ANXA4: variants seen among roughly 807,000 people sequenced by gnomAD.
ANXA4 encodes the protein 35-beta calcimedin.
A neutral mutation model predicts 49.8 loss-of-function variants in ANXA4; 39 were observed. The observed-to-expected ratio is 0.78, with a 90% confidence interval of 0.61 to 1.02. The LOEUF is 1.02. Ranked by LOEUF, ANXA4 falls within the 50% of genes least tolerant of loss-of-function variation. The probability of loss-of-function intolerance (pLI) is 0.00; values close to 1 mark genes in which losing one functional copy is unlikely to be tolerated. For missense variants in ANXA4, 360 were observed against 410.1 expected (o/e 0.88, Z 1.05); for synonymous variants, 134 against 152.5 (o/e 0.88, Z 0.89).
chr2:69,708,012 C>G (rs1470809885), intron 2 of ANXA4, among the ~76,000 whole-genome samples: 1 of 152,194 alleles, frequency 6.6e-6, no homozygotes, highest in Non-Finnish European at 1.5e-5. Flanking sequence ...TTTTCTCCTG[C>G]CATTTCCTGT....
intron 6 of ANXA4, 74 bp from the exon 7 acceptor site, chr2:69,810,520 G>A: frequency 7.9e-7 from 1 of 1,263,402 alleles, no homozygotes; most frequent in South Asian, 1.2e-5. Context: ...TGAGGGGACA[G>A]ATTGCTCTGG....
At chr2:69,752,004 G>A (rs572660670) in intron 1 of ANXA4, among the ~76,000 whole-genome samples, 22 of 152,200 alleles carry the variant, frequency 1.4e-4, no homozygotes, top group Non-Finnish European at 2.9e-4. Flanking sequence ...TGATATATAT[G>A]TGCAGACTGC....
intron 1 of ANXA4, among the ~76,000 whole-genome samples, chr2:69,647,326 T>G (rs1676042606): frequency 6.6e-6 from 1 of 152,118 alleles, no homozygotes; most frequent in South Asian, 2.1e-4. Flanking sequence ...ACTATGTATC[T>G]TCCATATGCC....
chr2:69,727,842 C>T (rs769806753), intron 3 of ANXA4, among the ~76,000 whole-genome samples: 25 of 152,190 alleles, frequency 1.6e-4, no homozygotes, highest in Non-Finnish European at 2.6e-4. Flanking sequence ...GGCCAGGAAT[C>T]AAGCCAGGAT....
chr2:69,818,766 G>C, intron 10 of ANXA4, 72 bp downstream of exon 10: 1 of 911,848 alleles, frequency 1.1e-6, no homozygotes, highest in Non-Finnish European at 1.7e-6. Context: ...TGCAATATGG[G>C]GATATAGAAT....
At chr2:69,707,801 T>A (rs889279718) in intron 2 of ANXA4, among the ~76,000 whole-genome samples, 3 of 152,234 alleles carry the variant, frequency 2.0e-5, no homozygotes, top group African/African-American at 4.8e-5. Context: ...AATCACTCTG[T>A]CATGCTATCA....
rs527784664 is a variant in ANXA4 at position 69,793,381 on chromosome 2, TTTAAAGA to T, written c.97+5247_97+5253del. Reference sequence around the variant, plus strand: ...AATAATTCCTAAGACTCTTTTTATTTTTAAAGATTAAAGTCACATGAACTGAAAGGTA... The same window carrying T: ...AATAATTCCTAAGACTCTTTTTATTTTTAAAGTCACATGAACTGAAAGGTA... On this transcript the variant is annotated intron_variant, in intron 3 of 12. Coordinates refer to ENST00000394295, the MANE Select transcript of ANXA4 (RefSeq NM_001153.5). Among the ~76,000 whole-genome samples the T allele has an allele frequency of 2.6e-4, 39 of 152,348 alleles. No individual in the cohort carries two copies. In the South Asian group the frequency reaches 7.2e-3, roughly 28 times the overall value.
intron 3 of ANXA4, among the ~76,000 whole-genome samples, chr2:69,793,057 T>G (rs533063111): frequency 7.3e-5 from 11 of 151,354 alleles, no homozygotes; most frequent in African/African-American, 1.4e-4. Context: ...ATCGAGACCA[T>G]CCTGGCCAAC....
chr2:69,809,275 AACC>A, intron 6 of ANXA4: 1 of 152,322 alleles, frequency 6.6e-6, no homozygotes, highest in East Asian at 1.9e-4. Flanking sequence ...GAAAGAAAAC[AACC>A]ACAATAAGAG....
intron 5 of ANXA4, 53 bp downstream of exon 5, chr2:69,806,551 GCTTT>G (rs1673452089): frequency 1.4e-6 from 2 of 1,439,626 alleles, no homozygotes. Context: ...ACGCTGATGT[GCTTT>G]CTTAAGAAAC....
At chr2:69,690,531 G>A (rs1044536590) in intron 2 of ANXA4, among the ~76,000 whole-genome samples, 13 of 152,156 alleles carry the variant, frequency 8.5e-5, no homozygotes, top group Non-Finnish European at 5.9e-5. Flanking sequence ...GAGCCACTGC[G>A]CCCGGCCCAG....
intron 1 of ANXA4, among the ~76,000 whole-genome samples, chr2:69,764,294 A>G (rs529708936): frequency 6.6e-6 from 1 of 152,376 alleles, no homozygotes; most frequent in African/African-American, 2.4e-5. Context: ...CATGAAATTA[A>G]GCGATCTTTC....
rs1243821553 is a variant in ANXA4, at chr2:69,707,803, A to G, written n.767-12971A>G. Among the ~76,000 whole-genome samples the G allele has an allele frequency of 2.0e-5, 3 of 152,216 alleles. No homozygotes were observed. In the East Asian group the frequency reaches 5.8e-4, roughly 29 times the overall value. ...TATTATTGACTATAATCACTCTGTC[A>G]TGCTATCAAATACTAGGTCTTATTC... On this transcript the variant is annotated intron_variant and non_coding_transcript_variant, in intron 2 of 3. Transcript: ENST00000418066.
At chr2:69,810,774 TC>T in intron 7 of ANXA4, 101 bp downstream of exon 7, 1 of 914,738 alleles carries the variant, frequency 1.1e-6, no homozygotes. Context: ...ATGTGGATAT[TC>T]CCCAGGTAGT....
At position 69,651,826 on chromosome 2, in the gene ANXA4, G is replaced by A. The variant is rs776945970; in HGVS notation, n.482-1172G>A. Among the ~76,000 whole-genome samples the A allele has an allele frequency of 4.2e-3, 199 of 47,454 alleles. 12 individuals carry two copies. The East Asian group carries it at 0.044, about 10-fold the overall frequency. 31.1% of individuals were successfully genotyped at this position (47,454 alleles called of 152,430 possible). A position where few individuals can be genotyped will look rare whatever the true frequency, so the allele number is the denominator to read the frequency against. The stretch of plus-strand genomic sequence containing the variant: ...TTTTTTTTTTTTTTTTTGGGGGGGG[G>A]GGGCGGGGAGACAGAGTCTCACTCT... On this transcript the variant is annotated intron_variant and non_coding_transcript_variant, in intron 1 of 3. Coordinates refer to the ANXA4 transcript ENST00000418066.
intron 2 of ANXA4, among the ~76,000 whole-genome samples, chr2:69,784,738 A>G (rs1383543859): frequency 1.3e-5 from 2 of 152,222 alleles, no homozygotes; most frequent in Admixed American, 1.3e-4. Context: ...GCTCCCTTTG[A>G]CACCTGTGCA....
intron 3 of ANXA4, among the ~76,000 whole-genome samples, chr2:69,792,037 G>A (rs185620765): frequency 1.8e-3 from 272 of 152,210 alleles, no homozygotes; most frequent in Non-Finnish European, 3.0e-3. Flanking sequence ...GCAATTTTAT[G>A]TACCTCAACA....
At chr2:69,771,094 C>CAAAAAAAA (rs1169928879) in intron 1 of ANXA4, among the ~76,000 whole-genome samples, 1 of 42,412 alleles carries the variant, frequency 2.4e-5, no homozygotes, top group Non-Finnish European at 5.2e-5. Context: ...ACCCTGTCTC[C>CAAAAAAAA]AAAAAAAAAA....
chr2:69,756,655 A>G (rs1395457091), intron 1 of ANXA4, among the ~76,000 whole-genome samples: 1 of 152,170 alleles, frequency 6.6e-6, no homozygotes, highest in Non-Finnish European at 1.5e-5. Flanking sequence ...ATAATGAGGA[A>G]TACAAAGGAA....
Sources: allele counts gnomAD v4.1 joint callset (sites outside exome capture counted in the v4.1 genomes callset), GRCh38; gene constraint gnomAD v4.1.1; transcripts MANE v1.5; gene names NCBI Gene and HGNC (gene_info 2026-07-23, HGNC 2026-07-21).